PTPRN2: variants seen among roughly 807,000 people sequenced by gnomAD.
PTPRN2 encodes protein tyrosine phosphatase receptor type N2.
A neutral mutation model predicts 118.8 loss-of-function variants in PTPRN2; 74 were observed. That is an observed-to-expected ratio of 0.62 (90% CI 0.52 to 0.76). PTPRN2 has a LOEUF of 0.76. PTPRN2 is among the 30% of genes least tolerant of loss of function. PTPRN2 has a pLI of 0.00. For missense variants in PTPRN2, 1,481 were observed against 1,394.4 expected, an observed-to-expected ratio of 1.06 and a Z score of -0.99; for synonymous variants, 641 against 608.0, an observed-to-expected ratio of 1.05 and a Z score of -0.80.
intron 11 of PTPRN2, among the ~76,000 whole-genome samples, chr7:157,960,804 C>T (rs141681818): frequency 1.5e-4 from 23 of 151,958 alleles, no homozygotes; most frequent in African/African-American, 4.1e-4. Flanking sequence ...GTCAGAAGTT[C>T]GAGACCAGCC....
At chr7:158,312,497 C>T (rs577064011) in intron 3 of PTPRN2, among the ~76,000 whole-genome samples, 14 of 150,600 alleles carry the variant, frequency 9.3e-5, no homozygotes, top group African/African-American at 2.7e-4. Flanking sequence ...CACGTGCTCA[C>T]GTGTAGACAC....
chr7:158,133,480 A>G (rs1170732190), intron 9 of PTPRN2, among the ~76,000 whole-genome samples, 197 bp downstream of exon 9: 2 of 152,186 alleles, frequency 1.3e-5, no homozygotes, highest in Non-Finnish European at 2.9e-5. Context: ...CCCAGCTCAG[A>G]AGCATCAGGA....
At chr7:157,657,089 CAT>C (rs1436808074) in intron 13 of PTPRN2, among the ~76,000 whole-genome samples, 2 of 115,140 alleles carry the variant, frequency 1.7e-5, no homozygotes, top group African/African-American at 6.9e-5. Flanking sequence ...TATACACACA[CAT>C]ACGCCACACA....
chr7:158,238,748 G>A lies in PTPRN2; in HGVS notation c.278-33475C>T, dbSNP rs374791664. On this transcript the variant is annotated intron_variant, in intron 3 of 22. Coordinates refer to ENST00000389418, the MANE Select transcript of PTPRN2 (RefSeq NM_002847.5). ...ACAGCTCAGCAGGATTCCAGGGACCGACGGATTCAGTCCTGAGGGGCAGAC... is the reference window on the plus strand; with the variant it reads ...ACAGCTCAGCAGGATTCCAGGGACCAACGGATTCAGTCCTGAGGGGCAGAC... Among the ~76,000 whole-genome samples the A allele has an allele frequency of 1.1e-4, 17 of 152,202 alleles. No individual in the cohort carries two copies. The East Asian group carries it at 1.2e-3, about 10-fold the overall frequency.
At chr7:157,782,888 C>A (rs139440934) in intron 12 of PTPRN2, among the ~76,000 whole-genome samples, 1 of 152,194 alleles carries the variant, frequency 6.6e-6, no homozygotes, top group South Asian at 2.1e-4. Context: ...TGAGTGCACT[C>A]GGTGCTGGCT....
Position 157,588,052 on chromosome 7 carries a change from T to C in PTPRN2, c.2496+7186A>G, listed in dbSNP as rs534242030. ...CCTGGGCTCCCGTGGTGGCTGTCCC[T>C]GTGCCTGGGCTCCAGGGCCCTGGCT... On this transcript the variant is annotated intron_variant, in intron 17 of 22. Coordinates refer to ENST00000389418, the MANE Select transcript of PTPRN2 (RefSeq NM_002847.5). Among the ~76,000 whole-genome samples the C allele has an allele frequency of 1.9e-3, 291 of 150,348 alleles. 2 individuals carry two copies. Among genetic ancestry groups the C allele is most frequent in the African/African-American group, 6.8e-3 (276 of 40,512 alleles).
At chr7:157,812,395 GT>G (rs1383026339) in intron 12 of PTPRN2, among the ~76,000 whole-genome samples, 24 of 139,116 alleles carry the variant, frequency 1.7e-4, no homozygotes, top group African/African-American at 6.8e-4. Context: ...CATGAGGGAG[GT>G]GAGGGAGGAG....
At chr7:157,558,807 C>T (rs1370931609) in intron 21 of PTPRN2, among the ~76,000 whole-genome samples, 6 of 152,224 alleles carry the variant, frequency 3.9e-5, no homozygotes, top group African/African-American at 1.2e-4. Context: ...CCGGCAGCTG[C>T]CTCGGTCCCT....
intron 6 of PTPRN2, among the ~76,000 whole-genome samples, chr7:158,165,551 C>G (rs73173663): frequency 4.6e-5 from 7 of 152,200 alleles, no homozygotes; most frequent in African/African-American, 1.7e-4. Context: ...AAAGAAAGAG[C>G]GAGGGCAGGA....
At chr7:158,572,631 C>T (rs1323522034) in intron 1 of PTPRN2, among the ~76,000 whole-genome samples, 6 of 152,168 alleles carry the variant, frequency 3.9e-5, no homozygotes, top group Non-Finnish European at 8.8e-5. Context: ...ACATCCCTAC[C>T]CTTCTCCTGG....
chr7:158,382,594 C>T (rs538452584), intron 2 of PTPRN2, among the ~76,000 whole-genome samples: 7 of 152,290 alleles, frequency 4.6e-5, no homozygotes, highest in Admixed American at 6.5e-5. Context: ...AGCAGGTGTG[C>T]GAGCATTCCC....
intron 3 of PTPRN2, among the ~76,000 whole-genome samples, chr7:158,285,811 C>T (rs557391993): frequency 6.6e-6 from 1 of 152,328 alleles, no homozygotes; most frequent in East Asian, 1.9e-4. Flanking sequence ...CAGGTGACAA[C>T]CCCATTCGCC....
chr7:157,938,072 C>T (rs1386002231), intron 11 of PTPRN2, among the ~76,000 whole-genome samples: 4 of 152,310 alleles, frequency 2.6e-5, no homozygotes, highest in African/African-American at 7.2e-5. Context: ...ATGTGAACCC[C>T]GGCTGTTCAA....
intron 12 of PTPRN2, among the ~76,000 whole-genome samples, chr7:157,792,015 T>C (rs957065892): frequency 6.6e-5 from 10 of 152,254 alleles, no homozygotes; most frequent in Non-Finnish European, 1.2e-4. Context: ...GGAGTCCCCT[T>C]TGCCCGGAGA....
chr7:157,771,556 C>G (rs1311645524), intron 12 of PTPRN2, among the ~76,000 whole-genome samples: 2 of 152,190 alleles, frequency 1.3e-5, no homozygotes, highest in Non-Finnish European at 2.9e-5. Flanking sequence ...AGACACAGCC[C>G]CTGCCCTCAG....
At chr7:158,453,118 G>A (rs1818205219) in intron 2 of PTPRN2, among the ~76,000 whole-genome samples, 1 of 146,886 alleles carries the variant, frequency 6.8e-6, no homozygotes, top group Non-Finnish European at 1.5e-5. Flanking sequence ...GGGCACCACA[G>A]GGTTGGCTAA....
At chr7:158,199,863 C>T (rs1826496608) in intron 4 of PTPRN2, among the ~76,000 whole-genome samples, 1 of 152,168 alleles carries the variant, frequency 6.6e-6, no homozygotes, top group Admixed American at 6.5e-5. Flanking sequence ...AGTGAGGATG[C>T]TGAAAGCCAA....
chr7:158,117,429 C>T (rs532470693), intron 9 of PTPRN2, among the ~76,000 whole-genome samples: 2 of 152,042 alleles, frequency 1.3e-5, no homozygotes, highest in African/African-American at 4.8e-5. Context: ...TGGGATACCA[C>T]TAAGAGAACC....
At chr7:158,205,492 A>C (rs1338462894) in intron 3 of PTPRN2, among the ~76,000 whole-genome samples, 1 of 152,216 alleles carries the variant, frequency 6.6e-6, no homozygotes, top group Non-Finnish European at 1.5e-5. Context: ...CTGCATTAAT[A>C]GTAATAAAAA....
Sources: gnomAD v4.1 joint callset for allele counts (sites outside exome capture counted in the v4.1 genomes callset) on GRCh38, gnomAD v4.1.1 for gene constraint, MANE v1.5 for transcripts, NCBI Gene and HGNC (gene_info 2026-07-23, HGNC 2026-07-21) for gene names.